Variants in SPON1 observed in about 807,000 individuals in gnomAD.
SPON1 encodes spondin-1.
A neutral mutation model predicts 111.7 loss-of-function variants in SPON1; 52 were observed. That is an observed-to-expected ratio of 0.47 (90% CI 0.37 to 0.59). The LOEUF (loss-of-function observed/expected upper bound fraction) is 0.59, where lower values mean the gene tolerates loss of function less well. Ranked by LOEUF, SPON1 falls within the 20% of genes least tolerant of loss-of-function variation. The pLI is 0.00. For synonymous variants in SPON1, 410 were observed against 395.8 expected (o/e 1.04, Z -0.43); for missense variants, 957 against 1,068.5 (o/e 0.90, Z 1.46).
intron 6 of SPON1, among the ~76,000 whole-genome samples, chr11:14,219,166 C>G (rs1485869166): frequency 6.6e-6 from 1 of 152,182 alleles, no homozygotes; most frequent in Non-Finnish European, 1.5e-5. Context: ...TTAGAAGAAC[C>G]AGAATGAATA....
At position 14,265,763 on chromosome 11, in the gene SPON1, CAATTTA is replaced by C; in HGVS notation, c.*81_*86del. 2.0e-6 allele frequency: 3 copies of C among 1,504,002 alleles called. No homozygotes were observed. Among genetic ancestry groups the C allele is most frequent in the Non-Finnish European group, 2.7e-6 (3 of 1,109,690 alleles). The allele number at this position is 1,504,002 out of a possible 1,614,324, so 93.2% of individuals were successfully genotyped here. A position where few individuals can be genotyped will look rare whatever the true frequency, so the allele number is the denominator to read the frequency against. ...GGCTGGATTATTTGCTTGTTTAAGACAATTTAAATTGTGTACGCTAGTTTTCATTTT... is the reference window on the plus strand; with the variant it reads ...GGCTGGATTATTTGCTTGTTTAAGACAATTGTGTACGCTAGTTTTCATTTT... On this transcript the variant is annotated 3_prime_UTR_variant, in exon 16 of 16. Coordinates refer to ENST00000576479, the MANE Select transcript of SPON1 (RefSeq NM_006108.4).
intron 6 of SPON1, among the ~76,000 whole-genome samples, chr11:14,204,110 T>G (rs373444800): frequency 2.6e-5 from 4 of 152,180 alleles, no homozygotes; most frequent in Non-Finnish European, 4.4e-5. Context: ...ATTGAACCAT[T>G]TGCTGTCTAA....
chr11:14,002,889 T>A (rs984895107), intron 2 of SPON1, among the ~76,000 whole-genome samples: 2 of 151,970 alleles, frequency 1.3e-5, no homozygotes, highest in Non-Finnish European at 2.9e-5. Flanking sequence ...AACCCCAAAG[T>A]CCTAGGACCC....
At position 14,168,489 on chromosome 11, in the gene SPON1, A is replaced by T. The variant is rs181869862; in HGVS notation, c.825+32921A>T. On this transcript the variant is annotated intron_variant, in intron 6 of 15. Transcript: ENST00000576479. ...AGACAGAAGATTCAATGCTTGTAAA[A>T]TTTTTCTTTTTTTTTCTTTTATTTT... Among the ~76,000 whole-genome samples the T allele has an allele frequency of 4.0e-5, 6 of 151,588 alleles. No individual in the cohort carries two copies. The East Asian group carries it at 9.7e-4, about 24-fold the overall frequency.
intron 3 of SPON1, among the ~76,000 whole-genome samples, chr11:14,047,929 G>A (rs1304744434): frequency 1.3e-5 from 2 of 152,202 alleles, no homozygotes; most frequent in East Asian, 3.9e-4. Context: ...ACACTGGGAG[G>A]AATGTTCATT....
rs542869753 is a variant in SPON1 at position 13,969,585 on chromosome 11, C to T, written c.238+6443C>T. 3.3e-5 allele frequency among the ~76,000 whole-genome samples: 5 copies of T among 152,248 alleles called. No individual in the cohort carries two copies. In the South Asian group the frequency reaches 1.0e-3, roughly 32 times the overall value. On this transcript the variant is annotated intron_variant, in intron 1 of 15. Transcript: ENST00000576479. Reference sequence around the variant, plus strand: ...AAAAATGAAAACCCACTGGGGTATACATTCAGAATGAAAATGAAAGAAAAT... The same window carrying T: ...AAAAATGAAAACCCACTGGGGTATATATTCAGAATGAAAATGAAAGAAAAT...
At chr11:13,991,586 C>G (rs933457058) in intron 2 of SPON1, among the ~76,000 whole-genome samples, 2 of 152,216 alleles carry the variant, frequency 1.3e-5, no homozygotes, top group Non-Finnish European at 2.9e-5. Context: ...GTCAATTCAT[C>G]AAACTTATTC....
At chr11:14,238,607 T>C (rs1848891244) in intron 6 of SPON1, among the ~76,000 whole-genome samples, 1 of 152,160 alleles carries the variant, frequency 6.6e-6, no homozygotes, top group East Asian at 1.9e-4. Flanking sequence ...ATTGATGTAA[T>C]TGCTGCCTCC....
chr11:14,011,677 T>C (rs1210934793), intron 2 of SPON1, among the ~76,000 whole-genome samples: 1 of 152,100 alleles, frequency 6.6e-6, no homozygotes, highest in Non-Finnish European at 1.5e-5. Flanking sequence ...ATTTCCCCAC[T>C]GTAGGCACGT....
chr11:13,987,667 G>A (rs116890427), intron 2 of SPON1, among the ~76,000 whole-genome samples: 2,440 of 152,286 alleles, frequency 0.016, 32 homozygotes, highest in Non-Finnish European at 0.025. Flanking sequence ...TTTTCTTCTA[G>A]GATTTTCATG....
intron 3 of SPON1, 25 bp from the exon 4 acceptor site, chr11:14,075,318 CTG>C (rs1848908525): frequency 1.3e-6 from 2 of 1,545,796 alleles, no homozygotes; most frequent in East Asian, 4.9e-5. Context: ...CTCCTCACCA[CTG>C]TGCTTGGGTC....
chr11:14,247,270 C>T (rs1554940320), intron 7 of SPON1, among the ~76,000 whole-genome samples: 1 of 152,072 alleles, frequency 6.6e-6, no homozygotes, highest in Non-Finnish European at 1.5e-5. Context: ...ACTAGCCAGG[C>T]GTGGTGGCTT....
intron 2 of SPON1, among the ~76,000 whole-genome samples, chr11:13,996,711 G>GTGTATATATATATATATATATA (rs535844829): frequency 1.2e-4 from 18 of 145,212 alleles, no homozygotes; most frequent in Middle Eastern, 3.6e-3. Context: ...ACCTATGTGT[G>GTGTATATATATATATATATATA]TATATATATA....
intron 3 of SPON1, among the ~76,000 whole-genome samples, chr11:14,072,696 G>A (rs1001643749): frequency 6.6e-6 from 1 of 152,208 alleles, no homozygotes; most frequent in Non-Finnish European, 1.5e-5. Context: ...TCCTGTAGAT[G>A]ACTGATTTTT....
At chr11:14,025,479 T>A (rs1446205992) in intron 2 of SPON1, among the ~76,000 whole-genome samples, 15 of 152,236 alleles carry the variant, frequency 9.9e-5, no homozygotes, top group Admixed American at 6.5e-5. Context: ...TCATCTTAAA[T>A]GTCCATCAAA....
intron 3 of SPON1, among the ~76,000 whole-genome samples, chr11:14,051,407 G>C (rs1017659166): frequency 1.4e-4 from 22 of 152,032 alleles, no homozygotes; most frequent in African/African-American, 5.1e-4. Flanking sequence ...GTGCTGGTGA[G>C]AGCCTATAGT....
chr11:14,197,488 A>AAAATAAATAAATAAAT (rs10642040), intron 6 of SPON1, among the ~76,000 whole-genome samples: 67 of 145,050 alleles, frequency 4.6e-4, no homozygotes, highest in African/African-American at 1.5e-3. Flanking sequence ...GTCCTCTTTA[A>AAAATAAATAAATAAAT]AAATAAATAA....
chr11:14,100,100 AAG>A (rs1849131590), intron 5 of SPON1, among the ~76,000 whole-genome samples: 1 of 152,024 alleles, frequency 6.6e-6, no homozygotes, highest in South Asian at 2.1e-4. Flanking sequence ...ATATCAGTAA[AAG>A]AGTGTGTTAT....
intron 6 of SPON1, among the ~76,000 whole-genome samples, chr11:14,222,953 A>G (rs1848696914): frequency 6.6e-6 from 1 of 152,158 alleles, no homozygotes; most frequent in Admixed American, 6.5e-5. Context: ...CTGATTCCCA[A>G]AGATCAAACA....
Sources: gnomAD v4.1 joint callset for allele counts (sites outside exome capture counted in the v4.1 genomes callset) on GRCh38, gnomAD v4.1.1 for gene constraint, MANE v1.5 for transcripts, NCBI Gene and HGNC (gene_info 2026-07-23, HGNC 2026-07-21) for gene names.